The following EPS8L3 variants were observed in gnomAD, a reference collection of about 807,000 sequenced individuals.
The protein encoded by EPS8L3 is EPS8 signaling adaptor L3.
Under a neutral mutation model 88.5 loss-of-function variants are expected in EPS8L3, and 80 were observed. That is an observed-to-expected ratio of 0.90 (90% CI 0.75 to 1.09). The LOEUF (loss-of-function observed/expected upper bound fraction) is 1.09. EPS8L3 is among the 50% of genes least tolerant of loss of function. The pLI is 0.00. For synonymous variants in EPS8L3, 286 were observed against 291.0 expected (o/e 0.98, Z 0.18); for missense variants, 721 against 735.2 (o/e 0.98, Z 0.22).
rs775532202 is a variant in EPS8L3 at position 109,761,503 on chromosome 1, T to C, written c.88A>G (p.Arg30Gly). ...LTSEPTLLQHRVEHLMTCKQG... is the reference protein window; with the variant it reads ...LTSEPTLLQHGVEHLMTCKQG... ...GCTGCAGAGGTACTCACCTCCACCCTGTGCTGCAGGAGGGTGGGCTCTGAG... is the reference window on the plus strand; with the variant it reads ...GCTGCAGAGGTACTCACCTCCACCCCGTGCTGCAGGAGGGTGGGCTCTGAG... The change falls in exon 3 of 19, where the codon AGG becomes GGG. Residue 30 changes from arginine to glycine, a missense_variant. By Grantham distance (125) the Arg-to-Gly change is moderately radical. Transcript: ENST00000361965. 6.2e-7 allele frequency: 1 copy of C among 1,612,722 alleles called. No homozygotes were observed. Among genetic ancestry groups the C allele is most frequent in the South Asian group, 1.1e-5 (1 of 90,978 alleles).
In EPS8L3 at chr1:109,752,174, C is replaced by T; in HGVS notation, c.1255G>A (p.Gly419Arg). Residue 419 changes from glycine (G) to arginine (R), a missense_variant, in exon 15 of 19, where the codon GGG (glycine) becomes AGG (arginine). Physicochemically the swap from Gly to Arg is moderately radical, Grantham distance 125. Transcript: ENST00000361965. ...TCCTGAGGAAAGTGTGAGGTGCTCC[C>T]TAACCTATGACTTCCCCGCCTAAGA... ...VSLRRGSHRL[G>R]STSHFPQEKT... is the part of the protein sequence containing the mutation. 6.2e-7 allele frequency: 1 copy of T among 1,613,370 alleles called. No homozygotes were observed. Among genetic ancestry groups the T allele is most frequent in the Non-Finnish European group, 8.5e-7 (1 of 1,179,576 alleles).
At chr1:109,751,153 A>G (rs933107731) in intron 17 of EPS8L3, 125 bp downstream of exon 17, 14 of 811,928 alleles carry the variant, frequency 1.7e-5, no homozygotes, top group African/African-American at 6.8e-5. Context: ...CTAACTCAGC[A>G]GAGACGGTGC....
intron 16 of EPS8L3, 129 bp from the exon 17 acceptor site, chr1:109,751,480 C>A: frequency 7.4e-7 from 1 of 1,356,720 alleles, no homozygotes; most frequent in South Asian, 1.3e-5. Context: ...TCTGGTCTGG[C>A]AGGGAGCTGG....
chr1:109,760,677 C>T lies in EPS8L3; in HGVS notation c.96+818G>A, dbSNP rs528964795. ...AAGCTGAGTCCTCCTGGCCTCTCCT[C>T]GGCTGGCTAGGGGAGCTCTGCCTCT... On this transcript the variant is annotated intron_variant, in intron 3 of 18. Coordinates refer to ENST00000361965, the MANE Select transcript of EPS8L3 (RefSeq NM_133181.4). Among the ~76,000 whole-genome samples the T allele has an allele frequency of 5.5e-4, 83 of 152,262 alleles. 2 individuals carry two copies. The Middle Eastern group carries it at 0.02, about 37-fold the overall frequency.
chr1:109,760,973 C>A (rs1049198671), intron 3 of EPS8L3, among the ~76,000 whole-genome samples: 1 of 152,160 alleles, frequency 6.6e-6, no homozygotes, highest in South Asian at 2.1e-4. Flanking sequence ...TCCATTCTAG[C>A]CTTGGAGCAG....
Position 109,750,681 on chromosome 1 carries a change from C to G in EPS8L3, c.1749G>C (p.Glu583Asp), listed in dbSNP as rs568612872. 2 of 1,614,236 alleles carry G rather than the reference C, an allele frequency of 1.2e-6. No individual in the cohort carries two copies. Among genetic ancestry groups the G allele is most frequent in the Non-Finnish European group, 1.7e-6 (2 of 1,180,042 alleles). Residue 583 changes from glutamate (E) to aspartate (D), a missense_variant, in exon 18 of 19, where the codon GAG becomes GAC. Coordinates refer to ENST00000361965, the MANE Select transcript of EPS8L3 (RefSeq NM_133181.4). Reference sequence around the variant, plus strand: ...TCACCCCCAGCATCCTTCTGACAGCCTCCAGCCGGGACAGGATTCGTGGGG... The same window carrying G: ...TCACCCCCAGCATCCTTCTGACAGCGTCCAGCCGGGACAGGATTCGTGGGG... ...QEAPRILSRLEAVRRMLGISP is the reference protein window; with the variant it reads ...QEAPRILSRLDAVRRMLGISP
intron 3 of EPS8L3, among the ~76,000 whole-genome samples, chr1:109,760,759 T>G (rs1395699307): frequency 2.6e-5 from 4 of 151,978 alleles, no homozygotes; most frequent in African/African-American, 9.7e-5. Context: ...CCCAGCTCCC[T>G]CCCTGCTTGT....
At chr1:109,761,593 G>A (rs1174678218) in intron 2 of EPS8L3, 34 bp from the exon 3 acceptor site, 4 of 1,611,850 alleles carry the variant, frequency 2.5e-6, no homozygotes, top group Non-Finnish European at 3.4e-6. Flanking sequence ...CGGGAGGTGG[G>A]CAGAAGAACG....
At chr1:109,756,834 C>T (rs979027989) in intron 12 of EPS8L3, among the ~76,000 whole-genome samples, 183 bp downstream of exon 12, 23 of 152,170 alleles carry the variant, frequency 1.5e-4, no homozygotes, top group African/African-American at 5.3e-4. Context: ...GTGCACTTTT[C>T]TTTTGTTAAT....
intron 11 of EPS8L3, 52 bp downstream of exon 11, chr1:109,757,429 C>A: frequency 6.4e-7 from 1 of 1,551,996 alleles, no homozygotes. Context: ...CTCTCTACTC[C>A]TTCTTGACTT....
chr1:109,750,731 G>A lies in EPS8L3; in HGVS notation c.1699C>T (p.Leu567=), dbSNP rs149047723. 1.3e-4 allele frequency: 211 copies of A among 1,614,218 alleles called. 2 individuals are homozygous for A. The East Asian group carries it at 3.5e-3, about 27-fold the overall frequency. ...GCCTCCTGTGGACATAGCATCTGTA[G>A]CTCCCCAGGTCTTATGCGAAGTAGC... ...SQLLRIRPGE[L]QMLCPQEAPR... The change falls in exon 18 of 19, where the codon CTA becomes TTA. Residue 567 remains leucine (L), a synonymous_variant. Coordinates refer to ENST00000361965, the MANE Select transcript of EPS8L3 (RefSeq NM_133181.4).
intron 16 of EPS8L3, 144 bp downstream of exon 16, chr1:109,751,510 C>A: frequency 7.2e-7 from 1 of 1,385,290 alleles, no homozygotes; most frequent in Non-Finnish European, 1.0e-6. Flanking sequence ...CTGCTCTGGC[C>A]CCATGATAAA....
chr1:109,759,924 A>C lies in EPS8L3; in HGVS notation c.97-88T>G. 2.1e-6 allele frequency: 3 copies of C among 1,416,864 alleles called. No individual in the cohort carries two copies. Among genetic ancestry groups the C allele is most frequent in the Non-Finnish European group, 2.9e-6 (3 of 1,037,626 alleles). The allele number at this position is 1,416,864 out of a possible 1,614,324, so 87.8% of individuals were successfully genotyped here. On this transcript the variant is annotated intron_variant, in intron 3 of 18. Coordinates refer to ENST00000361965, the MANE Select transcript of EPS8L3 (RefSeq NM_133181.4). This position sits in a 1 kb window ranked among gnomAD's most constrained non-coding sequence, Gnocchi z 4.2. Reference sequence around the variant, plus strand: ...CTGGGTAGAGAAAAGCAGAAGAGGAAGAAGACGTGTCCTCGGCCCCCTTGA... The same window carrying C: ...CTGGGTAGAGAAAAGCAGAAGAGGACGAAGACGTGTCCTCGGCCCCCTTGA...
chr1:109,750,537 C>T (rs1451308178), intron 18 of EPS8L3, 123 bp downstream of exon 18: 3 of 1,575,116 alleles, frequency 1.9e-6, no homozygotes, highest in Non-Finnish European at 2.6e-6. Context: ...ATCCTGTGCC[C>T]AGCACCCGCC....
rs1485093386 is a variant in EPS8L3 at position 109,751,678 on chromosome 1, C to T, written c.1539G>A (p.Gly513=). Reference sequence around the variant, plus strand: ...CCCGAGAGGGTGACTGGCCCTGGGTCCCAGGGGTCCCCGGCTGTAGGGGCT... The same window carrying T: ...CCCGAGAGGGTGACTGGCCCTGGGTTCCAGGGGTCCCCGGCTGTAGGGGCT... ...ILEPLQPGTP[G]TQGQSPSRVP... Residue 513 remains glycine, a synonymous_variant, in exon 16 of 19, where the codon GGG becomes GGA. Coordinates refer to ENST00000361965, the MANE Select transcript of EPS8L3 (RefSeq NM_133181.4). 6.2e-7 allele frequency: 1 copy of T among 1,613,964 alleles called. No homozygotes were observed.
chr1:109,758,714 A>C (rs1297906467), intron 6 of EPS8L3, 51 bp from the exon 7 acceptor site: 6 of 1,514,806 alleles, frequency 4.0e-6, no homozygotes, highest in South Asian at 2.7e-5. Flanking sequence ...CTTTGGAGAG[A>C]GGCCCTCCCC....
rs780376724 is a variant in EPS8L3 at position 109,757,184 on chromosome 1, G to A, written c.970-19C>T. The A allele has an allele frequency of 1.3e-6, 2 of 1,588,180 alleles. No individual in the cohort carries two copies. ...CCAGGATCTAGGGGAGAGATGGAAGGTGTCAGGAAGCCTAGGCTCCCACAG... is the reference window on the plus strand; with the variant it reads ...CCAGGATCTAGGGGAGAGATGGAAGATGTCAGGAAGCCTAGGCTCCCACAG... On this transcript the variant is annotated intron_variant, in intron 11 of 18. Coordinates refer to ENST00000361965, the MANE Select transcript of EPS8L3 (RefSeq NM_133181.4).
At position 109,759,182 on chromosome 1, in the gene EPS8L3, TG is replaced by T; in HGVS notation, c.405+55del. On this transcript the variant is annotated intron_variant, in intron 5 of 18. Transcript: ENST00000361965. This position sits in a 1 kb window ranked among gnomAD's most constrained non-coding sequence, Gnocchi z 4.2. The stretch of plus-strand genomic sequence containing the variant: ...GTGTGTGTGTGTGTGTGTGTGTGTG[TG>T]GTGGGGTGATGGTCGATGAACCCCA... The T allele has an allele frequency of 7.2e-7, 1 of 1,381,322 alleles. No individual in the cohort carries two copies. Among genetic ancestry groups the T allele is most frequent in the Non-Finnish European group, 1.0e-6 (1 of 990,772 alleles). The allele number at this position is 1,381,322 out of a possible 1,614,324, so 85.6% of individuals were successfully genotyped here. A position where few individuals can be genotyped will look rare whatever the true frequency, so the allele number is the denominator to read the frequency against.
intron 3 of EPS8L3, chr1:109,761,173 G>T: frequency 3.4e-6 from 1 of 290,734 alleles, no homozygotes; most frequent in East Asian, 6.2e-5. Context: ...TTGGGAGACA[G>T]GGGAGGGTAG....
Sources: allele counts gnomAD v4.1 joint callset (sites outside exome capture counted in the v4.1 genomes callset), GRCh38; gene constraint gnomAD v4.1.1; non-coding constraint Gnocchi (gnomAD v3.1); transcripts MANE v1.5; gene names NCBI Gene and HGNC (gene_info 2026-07-23, HGNC 2026-07-21).